The following KDM4C variants were observed in gnomAD, a reference collection of about 807,000 sequenced individuals.
KDM4C encodes the protein lysine demethylase 4C, also known as lysine-specific demethylase 4C.
Under a neutral mutation model 129.3 loss-of-function variants are expected in KDM4C, and 81 were observed. The ratio of observed to expected loss-of-function variants is 0.63; its 90% confidence interval spans 0.52 to 0.75. The LOEUF (loss-of-function observed/expected upper bound fraction) is 0.75. Among genes scored for constraint, KDM4C ranks in the 30% least tolerant of loss-of-function variants. The pLI is 0.00. For missense variants in KDM4C, 1,457 were observed against 1,304.0 expected, an observed-to-expected ratio of 1.12 and a Z score of -1.81; for synonymous variants, 573 against 456.1, an observed-to-expected ratio of 1.26 and a Z score of -3.26.
chr9:6,871,303 G>GTT (rs200614934), intron 5 of KDM4C, among the ~76,000 whole-genome samples: 2,897 of 152,260 alleles, frequency 0.019, 43 homozygotes, highest in Middle Eastern at 0.044. Flanking sequence ...TCAGTTCAAG[G>GTT]TAGTGTTTGT....
chr9:7,049,383 GTT>G (rs1167388864), intron 17 of KDM4C, among the ~76,000 whole-genome samples, 183 bp downstream of exon 17: 3 of 151,762 alleles, frequency 2.0e-5, no homozygotes. Context: ...TATATTGTAA[GTT>G]TGCATATAAC....
At chr9:6,829,356 C>T (rs1250786013) in intron 4 of KDM4C, among the ~76,000 whole-genome samples, 1 of 152,104 alleles carries the variant, frequency 6.6e-6, no homozygotes, top group Non-Finnish European at 1.5e-5. Context: ...CCTAGAGGGG[C>T]AGATTTCTGT....
At position 7,078,319 on chromosome 9, in the gene KDM4C, A is replaced by G. The variant is rs1249035264; in HGVS notation, c.2425-25366A>G. On this transcript the variant is annotated intron_variant, in intron 17 of 21. Transcript: ENST00000381309. ...TTATTTAAACACCATAGTTTTTTAT[A>G]TAACTTTGCCTAGTGACCCCAGTAG... 5.3e-5 allele frequency among the ~76,000 whole-genome samples: 8 copies of G among 152,230 alleles called. No homozygotes were observed. The East Asian group carries it at 1.5e-3, about 29-fold the overall frequency.
At chr9:6,816,862 G>C (rs1163085226) in intron 4 of KDM4C, among the ~76,000 whole-genome samples, 2 of 147,284 alleles carry the variant, frequency 1.4e-5, no homozygotes, top group Non-Finnish European at 3.0e-5. Context: ...TTTTTTTTTG[G>C]CTTAAGTTCC....
intron 19 of KDM4C, among the ~76,000 whole-genome samples, chr9:7,138,951 C>G (rs1410208712): frequency 2.6e-5 from 4 of 152,134 alleles, no homozygotes; most frequent in Non-Finnish European, 1.5e-5. Context: ...TTAAAACATG[C>G]TAGATATTTA....
At position 6,929,164 on chromosome 9, in the gene KDM4C, T is replaced by C. The variant is rs555007797; in HGVS notation, c.921+35932T>C. ...CTCTCTACAGTGAAATTCTTAGTTATCTTTACCTTAATTTTAGGGCTTAGA... is the reference window on the plus strand; with the variant it reads ...CTCTCTACAGTGAAATTCTTAGTTACCTTTACCTTAATTTTAGGGCTTAGA... On this transcript the variant is annotated intron_variant, in intron 8 of 21. Coordinates refer to ENST00000381309, the MANE Select transcript of KDM4C (RefSeq NM_015061.6). Among the ~76,000 whole-genome samples the C allele has an allele frequency of 2.6e-5, 4 of 152,358 alleles. No individual in the cohort carries two copies. In the East Asian group the frequency reaches 7.7e-4, roughly 29 times the overall value.
chr9:6,842,597 A>G (rs967683062), intron 4 of KDM4C, among the ~76,000 whole-genome samples: 1 of 152,104 alleles, frequency 6.6e-6, no homozygotes, highest in East Asian at 1.9e-4. Context: ...TGGGCTCCCA[A>G]AGTGCTGGGA....
At chr9:7,062,682 C>A (rs1043105364) in intron 17 of KDM4C, among the ~76,000 whole-genome samples, 3 of 152,042 alleles carry the variant, frequency 2.0e-5, no homozygotes, top group East Asian at 3.9e-4. Flanking sequence ...CCGTGCCCAG[C>A]CCCCTTTTTT....
intron 8 of KDM4C, among the ~76,000 whole-genome samples, chr9:6,930,513 G>T (rs1307381323): frequency 6.9e-6 from 1 of 145,266 alleles, no homozygotes; most frequent in South Asian, 2.2e-4. Flanking sequence ...TCATAAATAT[G>T]TACATATATA....
At chr9:7,052,868 A>AGAGAGAGAGT (rs1830346338) in intron 17 of KDM4C, among the ~76,000 whole-genome samples, 1 of 22,452 alleles carries the variant, frequency 4.5e-5, no homozygotes, top group South Asian at 1.4e-3. Flanking sequence ...ACCTGCAGAG[A>AGAGAGAGAGT]GAGAGAGAGA....
intron 2 of KDM4C, among the ~76,000 whole-genome samples, chr9:6,793,476 AG>A (rs1827134186): frequency 6.6e-6 from 1 of 151,720 alleles, no homozygotes; most frequent in African/African-American, 2.4e-5. Context: ...ATTAACCTGA[AG>A]GTTAACCACA....
chr9:7,028,917 G>A (rs1361728218), intron 15 of KDM4C, among the ~76,000 whole-genome samples: 1 of 149,294 alleles, frequency 6.7e-6, no homozygotes, highest in African/African-American at 2.6e-5. Flanking sequence ...AGGGGATAAG[G>A]GAGGGGCGGC....
At chr9:6,835,922 C>G (rs1375887244) in intron 4 of KDM4C, among the ~76,000 whole-genome samples, 2 of 152,168 alleles carry the variant, frequency 1.3e-5, no homozygotes, top group Non-Finnish European at 2.9e-5. Flanking sequence ...ATGGCCTAGT[C>G]CTCCTCCGAG....
At position 6,805,120 on chromosome 9, in the gene KDM4C, T is replaced by A. The variant is rs957415361; in HGVS notation, c.145-479T>A. Among the ~76,000 whole-genome samples, 166 of 152,214 alleles carry A rather than the reference T, an allele frequency of 1.1e-3. 1 individual carries two copies. The highest frequency in any genetic ancestry group is 8.4e-3 in the Admixed American group (128 of 15,290). ...TTCACCATGTTATCCAGGTTGGTGT[T>A]GAACTCCTGACGTGGTGATCCGCCT... On this transcript the variant is annotated intron_variant, in intron 2 of 21. Transcript: ENST00000381309.
At chr9:7,077,333 C>T (rs1834041194) in intron 17 of KDM4C, 2 of 574,110 alleles carry the variant, frequency 3.5e-6, no homozygotes, top group Non-Finnish European at 2.2e-6. Context: ...TCATCCTATG[C>T]CCCTCCCCTC....
chr9:6,974,935 T>G (rs979535511), intron 8 of KDM4C: 2 of 152,222 alleles, frequency 1.3e-5, no homozygotes, highest in Non-Finnish European at 2.9e-5. Flanking sequence ...CTATCAGATA[T>G]TCAGGTAAGT....
rs369592846 is a variant in KDM4C, at chr9:7,046,952, T to G, written c.2315+35T>G. The G allele has an allele frequency of 2.9e-5, 41 of 1,418,870 alleles. No individual in the cohort carries two copies. The East Asian group carries it at 9.1e-4, about 32-fold the overall frequency. The allele number at this position is 1,418,870 out of a possible 1,614,324, so 87.9% of individuals were successfully genotyped here. ...ACATTAATTGTGTTGAATTTCATTA[T>G]TTTTCTTTCTCCATTCTAGAACCTT... is the stretch of plus-strand genomic sequence containing the variant. On this transcript the variant is annotated intron_variant, in intron 16 of 21. Transcript: ENST00000381309.
upstream of KDM4C, among the ~76,000 whole-genome samples, chr9:6,753,874 T>G (rs1818156490): frequency 7.2e-6 from 1 of 139,086 alleles, no homozygotes; most frequent in Non-Finnish European, 1.6e-5. Context: ...AATTCTTTTT[T>G]TTTTTTTTTT....
intron 21 of KDM4C, chr9:7,170,284 G>A: frequency 9.3e-7 from 1 of 1,071,356 alleles, no homozygotes; most frequent in Non-Finnish European, 1.1e-6. Flanking sequence ...CGGCATAATT[G>A]AATGTCTGTC....
Sources: gnomAD v4.1 joint callset for allele counts (sites outside exome capture counted in the v4.1 genomes callset) on GRCh38, gnomAD v4.1.1 for gene constraint, MANE v1.5 for transcripts, NCBI Gene and HGNC (gene_info 2026-07-23, HGNC 2026-07-21) for gene names.